Variants in TRAF2 observed in about 807,000 individuals in gnomAD.
TRAF2 encodes TNF receptor-associated factor 2.
TRAF2 carries 6 observed loss-of-function variants against 55.6 expected under a neutral mutation model. The ratio of observed to expected loss-of-function variants is 0.11; its 90% CI spans 0.06 to 0.21. The LOEUF (loss-of-function observed/expected upper bound fraction) is 0.21, where lower values mean the gene tolerates loss of function less well. Among genes scored for constraint, TRAF2 ranks in the 10% least tolerant of loss-of-function variants. The probability of loss-of-function intolerance (pLI) is 1.00; values close to 1 mark genes in which losing one functional copy is unlikely to be tolerated. For synonymous variants in TRAF2, 329 were observed against 276.3 expected, an observed-to-expected ratio of 1.19 and a Z score of -1.89; for missense variants, 561 against 684.5, an observed-to-expected ratio of 0.82 and a Z score of 2.01.
intron 1 of TRAF2, among the ~76,000 whole-genome samples, chr9:136,887,026 GC>G (rs926811151): frequency 1.4e-4 from 21 of 152,078 alleles, no homozygotes; most frequent in Non-Finnish European, 3.1e-4. Flanking sequence ...GTTTGCCAGC[GC>G]CCCCCAGCCA....
intron 7 of TRAF2, among the ~76,000 whole-genome samples, chr9:136,919,042 A>ATAGTTATTTATTTATT (rs1850316208): frequency 7.2e-6 from 1 of 138,326 alleles, no homozygotes; most frequent in African/African-American, 2.7e-5. Flanking sequence ...GCCTATTTTA[A>ATAGTTATTTATTTATT]TATTTATTTA....
intron 9 of TRAF2, 120 bp from the exon 10 acceptor site, chr9:136,923,732 C>A: frequency 9.6e-7 from 1 of 1,042,562 alleles, no homozygotes; most frequent in Non-Finnish European, 1.3e-6. Context: ...CTTTGCACCC[C>A]AGAACCTGAA....
At chr9:136,910,300 A>G (rs956395863) in intron 6 of TRAF2, among the ~76,000 whole-genome samples, 4 of 152,158 alleles carry the variant, frequency 2.6e-5, no homozygotes, top group African/African-American at 9.7e-5. Flanking sequence ...ATCGCCCTCC[A>G]TGTGCTGCTT....
chr9:136,907,914 C>T (rs1302599965), intron 4 of TRAF2, among the ~76,000 whole-genome samples, 156 bp from the exon 5 acceptor site: 1 of 152,044 alleles, frequency 6.6e-6, no homozygotes, highest in Non-Finnish European at 1.5e-5. Context: ...GCCCTCCCAC[C>T]TGTGGGAGCC....
intron 6 of TRAF2, among the ~76,000 whole-genome samples, chr9:136,915,296 G>A (rs1298181381): frequency 6.6e-6 from 1 of 152,170 alleles, no homozygotes. Flanking sequence ...CCGCAGCGCC[G>A]TGCGGTCGTT....
At chr9:136,908,871 G>GGGA (rs763635297) in intron 5 of TRAF2, among the ~76,000 whole-genome samples, 9 of 84,456 alleles carry the variant, frequency 1.1e-4, no homozygotes, top group Non-Finnish European at 1.7e-4. Context: ...TTCCGTCTCG[G>GGGA]AAAAAAAAAA....
intron 8 of TRAF2, 76 bp from the exon 9 acceptor site, chr9:136,920,962 A>G (rs767305604): frequency 1.6e-5 from 25 of 1,559,964 alleles, no homozygotes; most frequent in Non-Finnish European, 2.1e-5. Flanking sequence ...CCTGCTGGAG[A>G]TCGGTGGGTG....
chr9:136,909,037 CAAAA>C (rs10597975), intron 5 of TRAF2, among the ~76,000 whole-genome samples: 61 of 147,232 alleles, frequency 4.1e-4, no homozygotes, highest in Middle Eastern at 3.5e-3. Context: ...GACTCTGTCT[CAAAA>C]AAAAAAAAAA....
At position 136,909,987 on chromosome 9, in the gene TRAF2, G is replaced by T. The variant is rs199507094; in HGVS notation, c.596G>T (p.Arg199Leu). ...CDGCGKKKIPREKFQDHVKTC... is the reference protein window; with the variant it reads ...CDGCGKKKIPLEKFQDHVKTC... ...GGCTGCGGCAAGAAGAAGATCCCCC[G>T]GGAGAAGGTGAGTGTCCTTCACCTC... The change falls in exon 6 of 11, where the codon CGG becomes CTG. Residue 199 changes from arginine (R) to leucine (L), a missense_variant. This residue lies in a region of TRAF2 where 426 missense variants were observed against 476.8 expected (regional missense o/e 0.89). Transcript: ENST00000247668. 1 of 1,613,828 alleles carries T rather than the reference G, an allele frequency of 6.2e-7. No homozygotes were observed. Among genetic ancestry groups the T allele is most frequent in the South Asian group, 1.1e-5 (1 of 91,030 alleles).
upstream of TRAF2, chr9:136,882,825 C>T: frequency 1.2e-6 from 1 of 817,430 alleles, no homozygotes; most frequent in Non-Finnish European, 1.5e-6. Context: ...TGTGCCTCTG[C>T]CTCTCAGTCA....
At chr9:136,901,488 C>CT (rs1158131756) in intron 4 of TRAF2, among the ~76,000 whole-genome samples, 1 of 152,174 alleles carries the variant, frequency 6.6e-6, no homozygotes, top group Non-Finnish European at 1.5e-5. Context: ...GGACAGTGTG[C>CT]TGAGTGACAT....
chr9:136,895,589 T>C (rs1258177242), intron 1 of TRAF2, among the ~76,000 whole-genome samples: 1 of 152,156 alleles, frequency 6.6e-6, no homozygotes. Context: ...GCACGGTGGC[T>C]CCTACCTGGA....
intron 1 of TRAF2, among the ~76,000 whole-genome samples, chr9:136,895,021 G>C (rs1588420953): frequency 6.6e-6 from 1 of 152,300 alleles, no homozygotes; most frequent in East Asian, 1.9e-4. Flanking sequence ...GGGTTTGGCT[G>C]AGTCCCTGGT....
rs1379085762 is a variant in TRAF2, at chr9:136,886,547, G to A, written c.-29+6G>A. The A allele has an allele frequency of 3.3e-5, 33 of 987,270 alleles. No individual in the cohort carries two copies. The highest frequency in any genetic ancestry group is 1.2e-4 in the Admixed American group (2 of 16,108). The allele number at this position is 987,270 out of a possible 1,614,324, so 61.2% of individuals were successfully genotyped here. ...GGGCGCGCTGCGACCGTTGGGTGAG[G>A]CGAGCGCGGGGTCGGGTGCGGGGTC... On this transcript the variant is annotated splice_donor_region_variant and intron_variant, in intron 1 of 10. Coordinates refer to ENST00000247668, the MANE Select transcript of TRAF2 (RefSeq NM_021138.4).
intron 5 of TRAF2, among the ~76,000 whole-genome samples, chr9:136,908,438 G>C (rs1256172086): frequency 1.3e-5 from 2 of 152,244 alleles, no homozygotes; most frequent in Non-Finnish European, 2.9e-5. Context: ...AAGCATTTTT[G>C]TAAGCCGGGC....
chr9:136,894,280 C>A (rs1022350562), intron 1 of TRAF2, among the ~76,000 whole-genome samples: 2 of 151,450 alleles, frequency 1.3e-5, no homozygotes, highest in African/African-American at 4.9e-5. Context: ...CTCTTGACCT[C>A]GTGATCTGCC....
chr9:136,909,553 C>T (rs1308407880), intron 5 of TRAF2, among the ~76,000 whole-genome samples: 6 of 152,132 alleles, frequency 3.9e-5, no homozygotes, highest in Non-Finnish European at 7.4e-5. Flanking sequence ...GTCTTGGAGA[C>T]GTCCCGCATG....
intron 4 of TRAF2, among the ~76,000 whole-genome samples, chr9:136,907,575 G>A (rs775218870): frequency 7.9e-5 from 12 of 152,200 alleles, no homozygotes; most frequent in South Asian, 4.1e-4. Flanking sequence ...CCAGCTGCCC[G>A]CATGCTATCT....
intron 7 of TRAF2, 132 bp from the exon 8 acceptor site, chr9:136,920,102 C>T: frequency 2.6e-6 from 3 of 1,168,314 alleles, no homozygotes; most frequent in African/African-American, 1.5e-5. Flanking sequence ...CATGACCAGG[C>T]CACCCAGGCA....
Sources: gnomAD v4.1 joint callset for allele counts (sites outside exome capture counted in the v4.1 genomes callset) on GRCh38, gnomAD v4.1.1 for gene constraint, gnomAD v4.1.1 regional missense constraint, MANE v1.5 for transcripts, NCBI Gene and HGNC (gene_info 2026-07-23, HGNC 2026-07-21) for gene names.